The following ZBTB43 variants were observed in gnomAD, a reference collection of about 807,000 sequenced individuals.
The protein encoded by ZBTB43 is zinc finger and BTB domain-containing protein 43.
Under a neutral mutation model 31.1 loss-of-function variants are expected in ZBTB43, and 6 were observed. The ratio of observed to expected loss-of-function variants is 0.19; its 90% confidence interval spans 0.11 to 0.38. The LOEUF (loss-of-function observed/expected upper bound fraction) is 0.38, where lower values mean the gene tolerates loss of function less well. Among genes scored for constraint, ZBTB43 ranks in the 10% least tolerant of loss-of-function variants. The probability of loss-of-function intolerance (pLI) is 1.00; values close to 1 mark genes in which losing one functional copy is unlikely to be tolerated. For missense variants in ZBTB43, 379 were observed against 602.1 expected (o/e 0.63, Z 3.88); for synonymous variants, 212 against 221.7 (o/e 0.96, Z 0.39).
chr9:126,815,653 TC>T (rs1271578991), intron 2 of ZBTB43, among the ~76,000 whole-genome samples: 2 of 102,210 alleles, frequency 2.0e-5, no homozygotes, highest in African/African-American at 5.4e-5. Context: ...TCTCTCTCTC[TC>T]TCTCTTTTTT....
Position 126,832,908 on chromosome 9 carries a change from G to A in ZBTB43, c.399G>A (p.Lys133=), listed in dbSNP as rs774631114. 13 of 1,613,828 alleles carry A rather than the reference G, an allele frequency of 8.1e-6. No homozygotes were observed. The highest frequency in any genetic ancestry group is 1.3e-5 in the African/African-American group (1 of 74,916). Reference sequence around the variant, plus strand: ...GAAACCCTACAGTCCTTTGTCAGAAGCTAAATCATGGCAGTGACCACCAGT... The same window carrying A: ...GAAACCCTACAGTCCTTTGTCAGAAACTAAATCATGGCAGTGACCACCAGT... ...LEGNPTVLCQ[K]LNHGSDHQSP... is the part of the protein sequence containing the mutation. The change falls in exon 3 of 3, where the codon AAG becomes AAA. Residue 133 remains lysine (K), a synonymous_variant. Transcript: ENST00000373464.
At chr9:126,808,693 A>T (rs985392178) in intron 1 of ZBTB43, 100 bp from the exon 2 acceptor site, 2 of 152,244 alleles carry the variant, frequency 1.3e-5, no homozygotes, top group East Asian at 3.8e-4. Flanking sequence ...AGTCTTGATT[A>T]CTTTTCTTTC....
intron 2 of ZBTB43, among the ~76,000 whole-genome samples, chr9:126,814,437 CTT>C (rs983950045): frequency 2.1e-5 from 3 of 141,524 alleles, no homozygotes; most frequent in Non-Finnish European, 3.1e-5. Flanking sequence ...TTTCATGTGA[CTT>C]TTTTTTTTTT....
At chr9:126,831,462 C>T (rs75396781) in intron 2 of ZBTB43, 1 of 151,990 alleles carries the variant, frequency 6.6e-6, no homozygotes, top group Admixed American at 6.6e-5. Context: ...ATGATGGTGC[C>T]ACTACACTCC....
intron 2 of ZBTB43, among the ~76,000 whole-genome samples, chr9:126,813,090 G>T (rs980976243): frequency 6.8e-6 from 1 of 146,470 alleles, no homozygotes; most frequent in Non-Finnish European, 1.5e-5. Flanking sequence ...AAGCAGTTCT[G>T]CTGTCTCAGC....
At chr9:126,823,743 TC>T (rs1318813629) in intron 2 of ZBTB43, among the ~76,000 whole-genome samples, 4 of 152,232 alleles carry the variant, frequency 2.6e-5, no homozygotes, top group African/African-American at 9.6e-5. Context: ...ATTTTGATTC[TC>T]TTCTTTTTGT....
At chr9:126,815,273 TATATATATATAGTTTTCAATATA>T (rs1392871056) in intron 2 of ZBTB43, among the ~76,000 whole-genome samples, 10 of 16,120 alleles carry the variant, frequency 6.2e-4, no homozygotes, top group African/African-American at 1.6e-3. Flanking sequence ...TATATAAAAC[TATATATATATAGTTTTCAATATA>T]TAAAACTATA....
intron 2 of ZBTB43, among the ~76,000 whole-genome samples, chr9:126,812,048 C>A (rs954803277): frequency 1.3e-5 from 2 of 151,976 alleles, no homozygotes; most frequent in Admixed American, 1.3e-4. Flanking sequence ...CTTTTGTCTC[C>A]CCTCAAAGAA....
rs2032908217 is a variant in ZBTB43 at position 126,837,544 on chromosome 9, G to T, written c.*3631G>T. 1 of 167,124 alleles carries T rather than the reference G, an allele frequency of 6.0e-6. No individual in the cohort carries two copies. Among genetic ancestry groups the T allele is most frequent in the Admixed American group, 6.5e-5 (1 of 15,284 alleles). 10.4% of individuals were successfully genotyped at this position (167,124 alleles called of 1,614,324 possible). On this transcript the variant is annotated 3_prime_UTR_variant, in exon 3 of 3. Transcript: ENST00000373464. ...GGAAGGGGATGTGCTGCGGCCTCCTGGGTGGGCGTGGAGAGGGCGCCATCA... is the reference window on the plus strand; with the variant it reads ...GGAAGGGGATGTGCTGCGGCCTCCTTGGTGGGCGTGGAGAGGGCGCCATCA...
intron 1 of ZBTB43, among the ~76,000 whole-genome samples, chr9:126,805,531 G>A (rs1486523188): frequency 6.6e-6 from 1 of 152,246 alleles, no homozygotes; most frequent in East Asian, 1.9e-4. Context: ...GCCGAGCTGG[G>A]AGAAAGACTG....
At position 126,833,414 on chromosome 9, in the gene ZBTB43, TTGATGAACAGGC is replaced by T. The variant is rs1370523139; in HGVS notation, c.913_924del (p.Gln305_Glu308del). 6.2e-7 allele frequency: 1 copy of T among 1,613,950 alleles called. No individual in the cohort carries two copies. The highest frequency in any genetic ancestry group is 8.5e-7 in the Non-Finnish European group (1 of 1,180,010). ...GGGGAGAAGAAAGTGGAAGCTGAGT[TTGATGAACAGGC>T]TGATGAAAGCAATTATGATGAGCAG... On this transcript the variant is annotated inframe_deletion, in exon 3 of 3. Coordinates refer to ENST00000373464, the MANE Select transcript of ZBTB43 (RefSeq NM_014007.4). The surrounding 1 kb of genome is among the most constrained non-coding windows in gnomAD (Gnocchi z 7.9).
chr9:126,815,271 ACT>A (rs2032353625), intron 2 of ZBTB43, among the ~76,000 whole-genome samples: 8 of 121,114 alleles, frequency 6.6e-5, no homozygotes, highest in Admixed American at 6.0e-4. Context: ...AATATATAAA[ACT>A]ATATATATAT....
intron 2 of ZBTB43, among the ~76,000 whole-genome samples, chr9:126,819,865 G>A (rs2032473053): frequency 6.6e-6 from 1 of 152,232 alleles, no homozygotes; most frequent in South Asian, 2.1e-4. Flanking sequence ...ACACATGAAT[G>A]ATAAGAAAGT....
At position 126,837,624 on chromosome 9, in the gene ZBTB43, A is replaced by C. The variant is rs552210833; in HGVS notation, c.*3711A>C. The C allele has an allele frequency of 1.6e-4, 26 of 167,128 alleles. No individual in the cohort carries two copies. Among genetic ancestry groups the C allele is most frequent in the Admixed American group, 3.3e-4 (5 of 15,284 alleles). The allele number at this position is 167,128 out of a possible 1,614,324, so 10.4% of individuals were successfully genotyped here. ...GTCTCTGATAATTTAGGGGTGCTGG[A>C]AACCAGCACTGTGTTATCCCCAATC... is the stretch of plus-strand genomic sequence containing the variant. On this transcript the variant is annotated 3_prime_UTR_variant, in exon 3 of 3. Transcript: ENST00000373464.
intron 2 of ZBTB43, among the ~76,000 whole-genome samples, chr9:126,825,788 T>C (rs1038839146): frequency 3.3e-5 from 5 of 151,852 alleles, no homozygotes; most frequent in African/African-American, 1.2e-4. Flanking sequence ...GTTCAGCCCG[T>C]AATGCATCGT....
At chr9:126,821,587 ATAGAAT>A (rs1311096779) in intron 2 of ZBTB43, among the ~76,000 whole-genome samples, 5 of 152,192 alleles carry the variant, frequency 3.3e-5, no homozygotes, top group Non-Finnish European at 7.4e-5. Context: ...AGCAAGAGAA[ATAGAAT>A]TAGAAGTGGA....
intron 2 of ZBTB43, among the ~76,000 whole-genome samples, chr9:126,818,735 A>G (rs926181917): frequency 6.6e-6 from 1 of 152,184 alleles, no homozygotes; most frequent in African/African-American, 2.4e-5. Flanking sequence ...GTGGTGTATA[A>G]TTCTTTTAAT....
At chr9:126,807,420 A>G (rs960862076) in intron 1 of ZBTB43, among the ~76,000 whole-genome samples, 2 of 152,164 alleles carry the variant, frequency 1.3e-5, no homozygotes, top group African/African-American at 2.4e-5. Flanking sequence ...GAGTGTGTCC[A>G]TATTTTTTCT....
intron 2 of ZBTB43, among the ~76,000 whole-genome samples, chr9:126,815,261 AATATATAAAACTATATATATAT>A (rs2032352872): frequency 1.5e-5 from 2 of 130,286 alleles, no homozygotes; most frequent in Admixed American, 1.6e-4. Context: ...TATAGTTTTC[AATATATAAAACTATATATATAT>A]AGTTTTCAAT....
Sources: allele counts gnomAD v4.1 joint callset (sites outside exome capture counted in the v4.1 genomes callset), GRCh38; gene constraint gnomAD v4.1.1; non-coding constraint Gnocchi (gnomAD v3.1); transcripts MANE v1.5; gene names NCBI Gene and HGNC (gene_info 2026-07-23, HGNC 2026-07-21).